Variants in RSU1 observed in about 807,000 individuals in gnomAD.
RSU1 encodes the protein rsu-1.
A neutral mutation model predicts 31.1 loss-of-function variants in RSU1; 26 were observed. The ratio of observed to expected loss-of-function variants is 0.84; its 90% CI spans 0.61 to 1.16. The LOEUF is 1.16. Among genes scored for constraint, RSU1 ranks in the 50% most tolerant of loss-of-function variants. The probability of loss-of-function intolerance (pLI) is 0.00; values close to 1 mark genes in which losing one functional copy is unlikely to be tolerated. For missense variants in RSU1, 320 were observed against 339.1 expected, an observed-to-expected ratio of 0.94 and a Z score of 0.44; for synonymous variants, 164 against 136.3, an observed-to-expected ratio of 1.20 and a Z score of -1.41.
At chr10:16,805,687 T>C (rs184651667) in intron 2 of RSU1, among the ~76,000 whole-genome samples, 3,300 of 147,546 alleles carry the variant, frequency 0.022, 51 homozygotes, top group Non-Finnish European at 0.036. Context: ...AAAAAAAGCT[T>C]TTTTTTTTTT....
chr10:16,722,851 CACAT>C lies in RSU1; in HGVS notation c.599-27700_599-27697del, dbSNP rs1276458442. Among the ~76,000 whole-genome samples, 94 of 97,720 alleles carry C rather than the reference CACAT, an allele frequency of 9.6e-4. 3 individuals are homozygous for C. The highest frequency in any genetic ancestry group is 3.1e-3 in the South Asian group (8 of 2,584). 64.1% of individuals were successfully genotyped at this position (97,720 alleles called of 152,430 possible). The stretch of plus-strand genomic sequence containing the variant: ...ACAGCCACATATATGTATATATACA[CACAT>C]ATATACATATATGTATATATACACA... On this transcript the variant is annotated intron_variant, in intron 7 of 8. Transcript: ENST00000345264.
At chr10:16,697,354 G>A (rs537017698) in intron 7 of RSU1, among the ~76,000 whole-genome samples, 204 of 152,264 alleles carry the variant, frequency 1.3e-3, no homozygotes, top group African/African-American at 4.7e-3. Context: ...TGAGGTGTTT[G>A]GAAAAAATAT....
chr10:16,719,284 C>T (rs555516264), intron 7 of RSU1, among the ~76,000 whole-genome samples: 20 of 152,158 alleles, frequency 1.3e-4, no homozygotes, highest in Admixed American at 6.5e-4. Context: ...CTCCAGCCTG[C>T]GCAACTGAGG....
At chr10:16,601,903 A>T (rs1431343806) in intron 8 of RSU1, among the ~76,000 whole-genome samples, 1 of 152,150 alleles carries the variant, frequency 6.6e-6, no homozygotes, top group Non-Finnish European at 1.5e-5. Flanking sequence ...GAACTGGAAA[A>T]GGGGAGTATT....
rs572992624 is a variant in RSU1 at position 16,808,933 on chromosome 10, G to A, written c.109+8040C>T. Among the ~76,000 whole-genome samples the A allele has an allele frequency of 7.6e-4, 116 of 152,230 alleles. No individual in the cohort carries two copies. The South Asian group carries it at 9.1e-3, about 12-fold the overall frequency. ...GATCATGTGAGCACAGCAAGAAGAC[G>A]GCCACCTGCAAGCCCAGGAGAGAGG... On this transcript the variant is annotated intron_variant, in intron 2 of 8. Coordinates refer to ENST00000345264, the MANE Select transcript of RSU1 (RefSeq NM_012425.4).
At chr10:16,714,628 T>C (rs1018975453) in intron 7 of RSU1, among the ~76,000 whole-genome samples, 4 of 152,052 alleles carry the variant, frequency 2.6e-5, no homozygotes, top group African/African-American at 9.7e-5. Flanking sequence ...GGTGTGTCAC[T>C]TGGGTTTGAA....
chr10:16,667,552 A>C (rs1223976149), intron 8 of RSU1, among the ~76,000 whole-genome samples: 1 of 151,326 alleles, frequency 6.6e-6, no homozygotes, highest in Non-Finnish European at 1.5e-5. Context: ...CACTGGTGCT[A>C]TCTTGGCTCA....
chr10:16,812,316 C>A (rs1235615352), intron 2 of RSU1, among the ~76,000 whole-genome samples: 2 of 152,172 alleles, frequency 1.3e-5, no homozygotes, highest in Non-Finnish European at 2.9e-5. Context: ...GTGGCGCACG[C>A]CTGTAACCCC....
intron 7 of RSU1, among the ~76,000 whole-genome samples, chr10:16,718,242 T>C (rs1222315234): frequency 1.3e-5 from 2 of 152,128 alleles, no homozygotes; most frequent in South Asian, 2.1e-4. Flanking sequence ...CTTGCTACTA[T>C]CAATTCCCAA....
chr10:16,660,645 C>CTTTTTTTT (rs796601054), intron 8 of RSU1, among the ~76,000 whole-genome samples: 4,814 of 79,094 alleles, frequency 0.061, 633 homozygotes, highest in African/African-American at 0.11. Flanking sequence ...CTTGAACTCT[C>CTTTTTTTT]TTTTTTTTTT....
chr10:16,599,739 G>T (rs887246403), intron 8 of RSU1, among the ~76,000 whole-genome samples: 7 of 152,342 alleles, frequency 4.6e-5, no homozygotes, highest in African/African-American at 1.7e-4. Flanking sequence ...CTTCTCTGAC[G>T]CAGGCTACCA....
At chr10:16,771,786 G>A (rs1194037212) in intron 3 of RSU1, among the ~76,000 whole-genome samples, 1 of 152,246 alleles carries the variant, frequency 6.6e-6, no homozygotes, top group Non-Finnish European at 1.5e-5. Context: ...TATTAAAGCA[G>A]TGAATTACGG....
At chr10:16,659,012 A>G (rs923822539) in intron 8 of RSU1, among the ~76,000 whole-genome samples, 3 of 152,134 alleles carry the variant, frequency 2.0e-5, no homozygotes, top group African/African-American at 7.2e-5. Context: ...GAAGTTGACC[A>G]TTTTTCATGT....
intron 4 of RSU1, among the ~76,000 whole-genome samples, chr10:16,757,168 C>T (rs1260160006): frequency 6.6e-6 from 1 of 151,674 alleles, no homozygotes; most frequent in Non-Finnish European, 1.5e-5. Flanking sequence ...TTTTTTTCTA[C>T]ACTATCTTTT....
chr10:16,786,179 G>A (rs979961402), intron 2 of RSU1, among the ~76,000 whole-genome samples: 18 of 152,178 alleles, frequency 1.2e-4, no homozygotes, highest in African/African-American at 3.9e-4. Context: ...ACAAAGAATC[G>A]TCCACTCCAA....
chr10:16,603,146 C>T (rs1833740494), intron 8 of RSU1, among the ~76,000 whole-genome samples: 1 of 152,052 alleles, frequency 6.6e-6, no homozygotes, highest in Admixed American at 6.5e-5. Context: ...GCTTTCTGTT[C>T]CCAACATAGT....
chr10:16,724,915 C>A (rs1375877230), intron 7 of RSU1, among the ~76,000 whole-genome samples: 1 of 152,144 alleles, frequency 6.6e-6, no homozygotes, highest in Non-Finnish European at 1.5e-5. Flanking sequence ...GTGAAAGAAG[C>A]CAGAAAGCAT....
chr10:16,670,624 A>G (rs1835088176), intron 8 of RSU1, among the ~76,000 whole-genome samples: 1 of 152,180 alleles, frequency 6.6e-6, no homozygotes, highest in Non-Finnish European at 1.5e-5. Context: ...ATTCTCAATT[A>G]GATATCTCTC....
intron 7 of RSU1, among the ~76,000 whole-genome samples, chr10:16,720,445 G>A (rs1836230025): frequency 6.6e-6 from 1 of 152,122 alleles, no homozygotes; most frequent in African/African-American, 2.4e-5. Context: ...GAATTACTTA[G>A]ATAATCTCTG....
Sources: allele counts gnomAD v4.1 joint callset (sites outside exome capture counted in the v4.1 genomes callset), GRCh38; gene constraint gnomAD v4.1.1; transcripts MANE v1.5; gene names NCBI Gene and HGNC (gene_info 2026-07-23, HGNC 2026-07-21).